Variants in SF3B1 observed in about 807,000 individuals in gnomAD.
SF3B1 encodes splicing factor 3b subunit 1, also known as pre-mRNA processing 10.
A neutral mutation model predicts 153.8 loss-of-function variants in SF3B1; 12 were observed. That is an observed-to-expected ratio of 0.08 (90% CI 0.05 to 0.13). The LOEUF is 0.13. SF3B1 is among the 10% of genes least tolerant of loss of function. The probability of loss-of-function intolerance (pLI) is 1.00; values close to 1 mark genes in which losing one functional copy is unlikely to be tolerated. For synonymous variants in SF3B1, 498 were observed against 525.2 expected, an observed-to-expected ratio of 0.95 and a Z score of 0.71; for missense variants, 513 against 1,606.1, an observed-to-expected ratio of 0.32 and a Z score of 11.63.
intron 1 of SF3B1, among the ~76,000 whole-genome samples, chr2:197,429,194 A>G (rs562106072): frequency 1.3e-5 from 2 of 152,318 alleles, no homozygotes; most frequent in South Asian, 2.1e-4. Context: ...GAAGACAAAG[A>G]AAAAAGGGAT....
chr2:197,393,857 C>T (rs2084843273), intron 23 of SF3B1, among the ~76,000 whole-genome samples: 1 of 152,138 alleles, frequency 6.6e-6, no homozygotes, highest in South Asian at 2.1e-4. Flanking sequence ...GAATAATAAA[C>T]AGTAATATTT....
At position 197,392,961 on chromosome 2, in the gene SF3B1, C is replaced by A. The variant is rs367758148; in HGVS notation, c.3756+11G>T. The A allele has an allele frequency of 1.8e-4, 266 of 1,512,652 alleles. No individual in the cohort carries two copies. The highest frequency in any genetic ancestry group is 2.2e-4 in the Non-Finnish European group (243 of 1,107,048). 93.7% of individuals were successfully genotyped at this position (1,512,652 alleles called of 1,614,324 possible). On this transcript the variant is annotated intron_variant, in intron 24 of 24. Coordinates refer to ENST00000335508, the MANE Select transcript of SF3B1 (RefSeq NM_012433.4). ...AAAAATCACCGATTAAAAAAAAAATCTTTAACTTACCTGTAAACAATATTG... is the reference window on the plus strand; with the variant it reads ...AAAAATCACCGATTAAAAAAAAAATATTTAACTTACCTGTAAACAATATTG...
intron 1 of SF3B1, among the ~76,000 whole-genome samples, chr2:197,424,344 T>C (rs2085297236): frequency 6.6e-6 from 1 of 151,930 alleles, no homozygotes; most frequent in Non-Finnish European, 1.5e-5. Context: ...TACTAAAAAA[T>C]ACAAAAAGTA....
chr2:197,422,827 A>G (rs942029618), intron 2 of SF3B1, among the ~76,000 whole-genome samples: 2 of 151,714 alleles, frequency 1.3e-5, no homozygotes, highest in Non-Finnish European at 2.9e-5. Flanking sequence ...GAGGCGGAGC[A>G]TGCAGTAAGC....
chr2:197,403,094 A>C, intron 12 of SF3B1, 59 bp from the exon 13 acceptor site: 27 of 1,206,768 alleles, frequency 2.2e-5, no homozygotes, highest in Non-Finnish European at 2.9e-5. Flanking sequence ...TGAAATGCTC[A>C]TGTACAGAAT....
At position 197,401,451 on chromosome 2, in the gene SF3B1, A is replaced by T. The variant is rs1484863085; in HGVS notation, c.2445T>A (p.Phe815Leu). 1.2e-6 allele frequency: 2 copies of T among 1,611,788 alleles called. No individual in the cohort carries two copies. Among genetic ancestry groups the T allele is most frequent in the Non-Finnish European group, 1.7e-6 (2 of 1,178,676 alleles). Reference sequence around the variant, plus strand: ...CCATCCTGTGCTGCCAGAAGTGTTTAAAAAAGGGAGGAAGAATCTCTGTTT... The same window carrying T: ...CCATCCTGTGCTGCCAGAAGTGTTTTAAAAAGGGAGGAAGAATCTCTGTTT... ...YIKTEILPPF[F>L]KHFWQHRMAL... Residue 815 changes from phenylalanine (F) to leucine (L), a missense_variant, in exon 17 of 25, where the codon TTT (phenylalanine) becomes TTA (leucine). By Grantham distance (22) the Phe-to-Leu change is conservative. This residue lies in a region of SF3B1 where 50 missense variants were observed against 236.5 expected (regional missense o/e 0.21). Coordinates refer to ENST00000335508, the MANE Select transcript of SF3B1 (RefSeq NM_012433.4). The surrounding 1 kb of genome is among the most constrained non-coding windows in gnomAD (Gnocchi z 4.2).
chr2:197,424,379 T>C (rs1574553161), intron 1 of SF3B1, among the ~76,000 whole-genome samples: 1 of 152,018 alleles, frequency 6.6e-6, no homozygotes, highest in East Asian at 1.9e-4. Context: ...CATGCACCTG[T>C]AGTCCCAGGT....
chr2:197,399,447 T>C (rs2084914480), intron 20 of SF3B1, among the ~76,000 whole-genome samples: 2 of 152,158 alleles, frequency 1.3e-5, no homozygotes, highest in African/African-American at 4.8e-5. Context: ...AAGAAACCAT[T>C]TGTTTTCTTC....
At chr2:197,393,427 C>T (rs981483364) in intron 23 of SF3B1, 2 of 497,300 alleles carry the variant, frequency 4.0e-6, no homozygotes, top group Middle Eastern at 1.1e-3. Context: ...CACTATGGCT[C>T]AACAATTAAG....
chr2:197,392,104 T>C lies in SF3B1; in HGVS notation c.*199A>G, dbSNP rs2084815383. 1 of 387,684 alleles carries C rather than the reference T, an allele frequency of 2.6e-6. No homozygotes were observed. Among genetic ancestry groups the C allele is most frequent in the African/African-American group, 2.1e-5 (1 of 48,654 alleles). The allele number at this position is 387,684 out of a possible 1,614,324, so 24.0% of individuals were successfully genotyped here. A position where few individuals can be genotyped will look rare whatever the true frequency, so the allele number is the denominator to read the frequency against. On this transcript the variant is annotated 3_prime_UTR_variant, in exon 25 of 25. Transcript: ENST00000335508. ...CAGTATAGTGTATATAATCACTGTG[T>C]TCTTGGTCACTACTGGCATTTACTG... is the stretch of plus-strand genomic sequence containing the variant.
chr2:197,401,278 A>G lies in SF3B1; in HGVS notation c.2496+122T>C. On this transcript the variant is annotated intron_variant, in intron 17 of 24. Transcript: ENST00000335508. This position sits in a 1 kb window ranked among gnomAD's most constrained non-coding sequence, Gnocchi z 4.2. ...CTGACTAAAATCCATCTCCTTTCAT[A>G]ATCAAGCACATATAAACTGTGAGAT... 1 of 894,686 alleles carries G rather than the reference A, an allele frequency of 1.1e-6. No homozygotes were observed. The highest frequency in any genetic ancestry group is 2.5e-5 in the East Asian group (1 of 40,094). 55.4% of individuals were successfully genotyped at this position (894,686 alleles called of 1,614,324 possible). A position where few individuals can be genotyped will look rare whatever the true frequency, so the allele number is the denominator to read the frequency against.
At chr2:197,395,956 A>G in intron 23 of SF3B1, 100 bp downstream of exon 23, 3 of 1,051,992 alleles carry the variant, frequency 2.9e-6, no homozygotes, top group Non-Finnish European at 4.2e-6. Context: ...TTTTTCTTTA[A>G]CTATGTTACA....
At position 197,408,499 on chromosome 2, in the gene SF3B1, A is replaced by G; in HGVS notation, c.987T>C (p.Pro329=). 1.2e-6 allele frequency: 2 copies of G among 1,613,740 alleles called. No homozygotes were observed. Among genetic ancestry groups the G allele is most frequent in the South Asian group, 1.1e-5 (1 of 91,060 alleles). The change falls in exon 8 of 25, where the codon CCT becomes CCC. Residue 329 remains proline (P), a synonymous_variant. Coordinates refer to ENST00000335508, the MANE Select transcript of SF3B1 (RefSeq NM_012433.4). ...ACCGTGATTTTCTTTTACTGGCTCC[A>G]GGAGTCGGTGTTTCACCAATAGAAT... ...GGDSIGETPT[P]GASKRKSRWD...
At chr2:197,408,631 T>C in intron 7 of SF3B1, 50 bp from the exon 8 acceptor site, 1 of 1,160,584 alleles carries the variant, frequency 8.6e-7, no homozygotes, top group Non-Finnish European at 1.3e-6. Context: ...ACTGTTAAAA[T>C]AATATTCTTT....
rs1210170783 is a variant in SF3B1, at chr2:197,396,315, A to G, written c.3280T>C (p.Leu1094=). The change falls in exon 23 of 25, where the codon TTG becomes CTG. Residue 1094 remains leucine, a synonymous_variant. Coordinates refer to ENST00000335508, the MANE Select transcript of SF3B1 (RefSeq NM_012433.4). The part of the protein sequence containing the change: ...IAKAIGPHDV[L]ATLLNNLKVQ... ...TTGAGGTTGTTCAGAAGTGTAGCCAATACATCATGAGGGCTGAAAAAAACA... is the reference window on the plus strand; with the variant it reads ...TTGAGGTTGTTCAGAAGTGTAGCCAGTACATCATGAGGGCTGAAAAAAACA... 1 of 1,613,362 alleles carries G rather than the reference A, an allele frequency of 6.2e-7. No individual in the cohort carries two copies. Among genetic ancestry groups the G allele is most frequent in the Non-Finnish European group, 8.5e-7 (1 of 1,179,444 alleles).
At chr2:197,429,783 CAA>C (rs199999089) in intron 1 of SF3B1, among the ~76,000 whole-genome samples, 43 of 131,390 alleles carry the variant, frequency 3.3e-4, no homozygotes, top group South Asian at 7.2e-4. Flanking sequence ...GACTCTGTCT[CAA>C]AAAAAAAAAA....
intron 22 of SF3B1, among the ~76,000 whole-genome samples, chr2:197,397,355 A>G (rs972425670): frequency 6.6e-6 from 1 of 152,200 alleles, no homozygotes; most frequent in African/African-American, 2.4e-5. Context: ...TGTGAGACTA[A>G]AAACTTGCCT....
At chr2:197,392,570 T>TG (rs10686140) in intron 24 of SF3B1, 109 bp from the exon 25 acceptor site, 24,157 of 144,336 alleles carry the variant, frequency 0.17, 1,889 homozygotes, top group African/African-American at 0.28. Flanking sequence ...CTTGGGGAGT[T>TG]GGGGGGGGGG....
chr2:197,422,870 AC>A (rs2085268613), intron 2 of SF3B1, among the ~76,000 whole-genome samples: 1 of 152,004 alleles, frequency 6.6e-6, no homozygotes, highest in Admixed American at 6.6e-5. Context: ...AGCCTGGGCA[AC>A]AGAGTGAGAC....
Sources: gnomAD v4.1 joint callset for allele counts (sites outside exome capture counted in the v4.1 genomes callset) on GRCh38, gnomAD v4.1.1 for gene constraint, gnomAD v4.1.1 regional missense constraint, Gnocchi (gnomAD v3.1) non-coding constraint, MANE v1.5 for transcripts, NCBI Gene and HGNC (gene_info 2026-07-23, HGNC 2026-07-21) for gene names.